The following ZFHX4 variants were observed in gnomAD, a reference collection of about 807,000 sequenced individuals.
The protein encoded by ZFHX4 is zinc finger homeobox protein 4.
ZFHX4 carries 56 observed loss-of-function variants against 267.6 expected under a neutral mutation model. That is an observed-to-expected ratio of 0.21 (90% CI 0.17 to 0.26). The LOEUF (loss-of-function observed/expected upper bound fraction) is 0.26, where lower values mean the gene tolerates loss of function less well. Ranked by LOEUF, ZFHX4 falls within the 10% of genes least tolerant of loss-of-function variation. The pLI is 1.00. For missense variants in ZFHX4, 4,332 were observed against 4,420.0 expected, an observed-to-expected ratio of 0.98 and a Z score of 0.56; for synonymous variants, 1,778 against 1,665.6, an observed-to-expected ratio of 1.07 and a Z score of -1.64.
chr8:76,798,038 A>C (rs1322729600), intron 4 of ZFHX4, among the ~76,000 whole-genome samples: 1 of 152,044 alleles, frequency 6.6e-6, no homozygotes, highest in Non-Finnish European at 1.5e-5. Context: ...GTATACTAGG[A>C]AGCTAGTATT....
chr8:76,864,490 G>T lies in ZFHX4; in HGVS notation c.10776G>T (p.Leu3592Phe), dbSNP rs747361892. Residue 3592 changes from leucine to phenylalanine, a missense_variant, in exon 11 of 11, where the codon TTG (leucine) becomes TTT (phenylalanine). Physicochemically the swap from Leu to Phe is conservative, Grantham distance 22 (BLOSUM62 0). Around this residue, in one of 7 missense-constraint regions of ZFHX4, gnomAD observed 1,648 missense variants for 1,625.0 expected, o/e 1.01. Transcript: ENST00000651372. Reference sequence around the variant, plus strand: ...AGCTAGAAGACTTAGATAATTCTTTGGAAGTGAAGGCTAAGCCTGCTTCTG... The same window carrying T: ...AGCTAGAAGACTTAGATAATTCTTTTGAAGTGAAGGCTAAGCCTGCTTCTG... ...SQKLEDLDNS[L>F]EVKAKPASGL... The T allele has an allele frequency of 6.2e-7, 1 of 1,613,450 alleles. No individual in the cohort carries two copies.
At chr8:76,862,142 C>T (rs1007394091) in intron 10 of ZFHX4, among the ~76,000 whole-genome samples, 1 of 152,166 alleles carries the variant, frequency 6.6e-6, no homozygotes, top group Non-Finnish European at 1.5e-5. Context: ...AACTATCTAG[C>T]TCATAAAAAT....
At position 76,863,541 on chromosome 8, in the gene ZFHX4, C is replaced by T. The variant is rs775542334; in HGVS notation, c.9827C>T (p.Pro3276Leu). 2 of 1,613,716 alleles carry T rather than the reference C, an allele frequency of 1.2e-6. No individual in the cohort carries two copies. The highest frequency in any genetic ancestry group is 2.2e-5 in the East Asian group (1 of 44,860). The part of the protein sequence containing the change: ...FIPGFASYFT[P>L]QLPGTVQGGY... ...CCTGGGTTTGCTTCTTATTTTACACCTCAGCTCCCTGGAACAGTGCAGGGG... is the reference window on the plus strand; with the variant it reads ...CCTGGGTTTGCTTCTTATTTTACACTTCAGCTCCCTGGAACAGTGCAGGGG... Residue 3276 changes from proline to leucine, a missense_variant, in exon 11 of 11, where the codon CCT becomes CTT. Around this residue, in one of 7 missense-constraint regions of ZFHX4, gnomAD observed 1,648 missense variants for 1,625.0 expected, o/e 1.01. Transcript: ENST00000651372.
At chr8:76,849,481 A>C in intron 7 of ZFHX4, 31 bp from the exon 8 acceptor site, 1 of 1,571,244 alleles carries the variant, frequency 6.4e-7, no homozygotes, top group Non-Finnish European at 8.8e-7. Context: ...GCATTAACTA[A>C]TAGTGGCCAT....
intron 10 of ZFHX4, among the ~76,000 whole-genome samples, chr8:76,861,631 C>T (rs1202077858): frequency 6.6e-6 from 1 of 151,278 alleles, no homozygotes; most frequent in Non-Finnish European, 1.5e-5. Context: ...GTTGACTTCA[C>T]AGTATCTTGA....
intron 5 of ZFHX4, chr8:76,834,094 A>T (rs1362007028): frequency 2.2e-6 from 1 of 445,492 alleles, no homozygotes; most frequent in Non-Finnish European, 4.5e-6. Flanking sequence ...AATAATATAT[A>T]TATATCATTG....
rs1015170095 is a variant in ZFHX4 at position 76,705,744 on chromosome 8, T to C, written c.1656T>C (p.Tyr552=). The change falls in exon 2 of 11, where the codon TAT becomes TAC. Residue 552 remains tyrosine (Y), a synonymous_variant. Transcript: ENST00000651372. ...VRASGSVASN[Y]GISGKDFADA... is the part of the protein sequence containing the mutation. ...CCAGTGGCAGTGTTGCTAGTAACTATGGCATCAGTGGCAAGGACTTTGCAG... is the reference window on the plus strand; with the variant it reads ...CCAGTGGCAGTGTTGCTAGTAACTACGGCATCAGTGGCAAGGACTTTGCAG... 6.2e-7 allele frequency: 1 copy of C among 1,614,024 alleles called. No homozygotes were observed. Among genetic ancestry groups the C allele is most frequent in the Non-Finnish European group, 8.5e-7 (1 of 1,179,898 alleles).
intron 6 of ZFHX4, among the ~76,000 whole-genome samples, chr8:76,843,662 T>G (rs908298364): frequency 3.3e-5 from 5 of 152,200 alleles, no homozygotes; most frequent in Admixed American, 6.5e-5. Context: ...GCAGAAGAAG[T>G]GCTGAAACGG....
chr8:76,768,768 A>G (rs1429793509), intron 3 of ZFHX4, among the ~76,000 whole-genome samples: 1 of 152,188 alleles, frequency 6.6e-6, no homozygotes, highest in Non-Finnish European at 1.5e-5. Flanking sequence ...ATTGTTAGGA[A>G]TCTTAATTTA....
chr8:76,845,202 G>A (rs573808267), intron 6 of ZFHX4, among the ~76,000 whole-genome samples: 1 of 152,178 alleles, frequency 6.6e-6, no homozygotes, highest in South Asian at 2.1e-4. Flanking sequence ...GTGGCAATAT[G>A]CAAGTTATAT....
chr8:76,830,671 T>G (rs996548630), intron 4 of ZFHX4, among the ~76,000 whole-genome samples: 10 of 152,172 alleles, frequency 6.6e-5, no homozygotes, highest in African/African-American at 2.4e-4. Context: ...TAGCTCTCAT[T>G]GGAGCAGTCT....
intron 4 of ZFHX4, among the ~76,000 whole-genome samples, chr8:76,814,216 G>A (rs1811446918): frequency 6.6e-6 from 1 of 152,134 alleles, no homozygotes; most frequent in Non-Finnish European, 1.5e-5. Context: ...GATTACAGGT[G>A]TATACCACCC....
chr8:76,724,872 AT>A (rs1322384257), intron 3 of ZFHX4, among the ~76,000 whole-genome samples: 1 of 151,966 alleles, frequency 6.6e-6, no homozygotes, highest in Non-Finnish European at 1.5e-5. Context: ...CACTGTAATG[AT>A]TCTTCAGTTT....
chr8:76,717,471 C>G (rs1226269538), intron 3 of ZFHX4, among the ~76,000 whole-genome samples: 2 of 152,198 alleles, frequency 1.3e-5, no homozygotes, highest in African/African-American at 2.4e-5. Context: ...TTGACCACAT[C>G]TATTAAAGAA....
At chr8:76,795,294 G>A (rs2131814705) in intron 4 of ZFHX4, among the ~76,000 whole-genome samples, 1 of 152,168 alleles carries the variant, frequency 6.6e-6, no homozygotes, top group East Asian at 1.9e-4. Context: ...TTTGTTTTGA[G>A]ACAGGATCTC....
At chr8:76,693,811 A>G (rs1458613237) in intron 1 of ZFHX4, among the ~76,000 whole-genome samples, 2 of 152,192 alleles carry the variant, frequency 1.3e-5, no homozygotes, top group Non-Finnish European at 2.9e-5. Context: ...AGGAATCATT[A>G]TGGCTTGCCA....
chr8:76,842,565 A>G, intron 5 of ZFHX4, 90 bp from the exon 6 acceptor site: 4 of 847,530 alleles, frequency 4.7e-6, no homozygotes, highest in Non-Finnish European at 7.3e-6. Context: ...ATTCATAAAT[A>G]ACAAAGTTTT....
chr8:76,707,007 G>A (rs563696262), intron 2 of ZFHX4, among the ~76,000 whole-genome samples: 1 of 152,142 alleles, frequency 6.6e-6, no homozygotes, highest in Admixed American at 6.5e-5. Flanking sequence ...TTCAATTTTG[G>A]TGATTATTCG....
At chr8:76,701,472 G>T (rs778303123) in intron 1 of ZFHX4, among the ~76,000 whole-genome samples, 1 of 151,992 alleles carries the variant, frequency 6.6e-6, no homozygotes, top group African/African-American at 2.4e-5. Flanking sequence ...TTTTTATATA[G>T]CAATAATGTT....
Sources: allele counts gnomAD v4.1 joint callset (sites outside exome capture counted in the v4.1 genomes callset), GRCh38; gene constraint gnomAD v4.1.1; regional missense constraint gnomAD v4.1.1; transcripts MANE v1.5; gene names NCBI Gene and HGNC (gene_info 2026-07-23, HGNC 2026-07-21).